ASH1L: variants seen among roughly 807,000 people sequenced by gnomAD.
ASH1L encodes the protein histone-lysine N-methyltransferase ASH1L.
ASH1L carries 23 observed loss-of-function variants against 269.0 expected under a neutral mutation model. The observed-to-expected ratio is 0.09, with a 90% CI of 0.06 to 0.12. The LOEUF (loss-of-function observed/expected upper bound fraction) is 0.12. ASH1L is among the 10% of genes least tolerant of loss of function. ASH1L has a pLI of 1.00. For synonymous variants in ASH1L, 1,187 were observed against 1,253.5 expected (o/e 0.95, Z 1.12); for missense variants, 2,912 against 3,567.8 (o/e 0.82, Z 4.68).
In ASH1L at chr1:155,482,447, G is replaced by A. The variant is rs1666023657; in HGVS notation, c.423C>T (p.Asp141=). The change falls in exon 3 of 28, where the codon GAC becomes GAT. Residue 141 remains aspartate, a splice_region_variant and synonymous_variant. Transcript: ENST00000392403. ...CTGCTTTCTTGTACAACTTTGAAGG[G>A]TCCTAAAATTTGAACAAGAAAAAAG... is the stretch of plus-strand genomic sequence containing the variant. The part of the protein sequence containing the change: ...EKNEHCPSKR[D]PSKLYKKADD... 1 of 1,596,506 alleles carries A rather than the reference G, an allele frequency of 6.3e-7. No homozygotes were observed. The highest frequency in any genetic ancestry group is 1.1e-5 in the South Asian group (1 of 88,586).
At position 155,344,167 on chromosome 1, in the gene ASH1L, G is replaced by T; in HGVS notation, c.7981+16C>A. 2 of 1,609,724 alleles carry T rather than the reference G, an allele frequency of 1.2e-6. No individual in the cohort carries two copies. Among genetic ancestry groups the T allele is most frequent in the Non-Finnish European group, 1.7e-6 (2 of 1,176,262 alleles). On this transcript the variant is annotated intron_variant, in intron 22 of 27. Coordinates refer to ENST00000392403, the MANE Select transcript of ASH1L (RefSeq NM_018489.3). ...AGGTCACCTCTGACAAGTAGGATTA[G>T]CTCCTGTATACATACCCTGACGAAG...
chr1:155,421,393 C>T (rs1660670161), intron 5 of ASH1L, among the ~76,000 whole-genome samples: 2 of 138,314 alleles, frequency 1.4e-5, no homozygotes, highest in Admixed American at 1.6e-4. Flanking sequence ...AAACCTAAGG[C>T]CAGGCATGGT....
intron 5 of ASH1L, chr1:155,433,789 G>A (rs1243301091): frequency 1.2e-6 from 2 of 1,606,308 alleles, no homozygotes; most frequent in South Asian, 1.1e-5. Flanking sequence ...TGCGGCCCTT[G>A]CTGCAGAAGT....
At chr1:155,402,577 C>A (rs1658942859) in intron 6 of ASH1L, among the ~76,000 whole-genome samples, 1 of 152,056 alleles carries the variant, frequency 6.6e-6, no homozygotes, top group African/African-American at 2.4e-5. Flanking sequence ...AAAGACAGGG[C>A]CTTGTTCTGC....
rs544683320 is a variant in ASH1L at position 155,414,602 on chromosome 1, C to A, written c.6008+1142G>T. ...GGGATTATAGGTGTGAGCCACCACTCCCATCCAAAACCAAATATCTTAAAG... is the reference window on the plus strand; with the variant it reads ...GGGATTATAGGTGTGAGCCACCACTACCATCCAAAACCAAATATCTTAAAG... On this transcript the variant is annotated intron_variant, in intron 6 of 27. Transcript: ENST00000392403. Among the ~76,000 whole-genome samples, 7 of 152,292 alleles carry A rather than the reference C, an allele frequency of 4.6e-5. No homozygotes were observed. The East Asian group carries it at 1.2e-3, about 25-fold the overall frequency.
chr1:155,556,171 C>T (rs1192041585), intron 1 of ASH1L, among the ~76,000 whole-genome samples: 1 of 152,064 alleles, frequency 6.6e-6, no homozygotes, highest in Non-Finnish European at 1.5e-5. Flanking sequence ...CACATGAGTC[C>T]AAGAGTTCAA....
chr1:155,438,900 C>G lies in ASH1L; in HGVS notation c.5255G>C (p.Ser1752Thr), dbSNP rs1385592081. 1.2e-6 allele frequency: 2 copies of G among 1,614,172 alleles called. No homozygotes were observed. Among genetic ancestry groups the G allele is most frequent in the Admixed American group, 3.3e-5 (2 of 60,012 alleles). The part of the protein sequence containing the change: ...SAPPSSSPGR[S>T]HSKDRTLGKP... ...TCCCAGGGTTCGGTCCTTGCTGTGG[C>G]TACGGCCTGGACTGGAAGAAGGTGG... The change falls in exon 5 of 28, where the codon AGC becomes ACC. Residue 1752 changes from serine to threonine, a missense_variant. By Grantham distance (58) the Ser-to-Thr change is moderately conservative (BLOSUM62 1). Transcript: ENST00000392403.
At chr1:155,372,439 G>A (rs1401478448) in intron 10 of ASH1L, among the ~76,000 whole-genome samples, 1 of 151,476 alleles carries the variant, frequency 6.6e-6, no homozygotes, top group Non-Finnish European at 1.5e-5. Flanking sequence ...TTCCCAAGTA[G>A]CTGGGATTAC....
chr1:155,338,114 G>T lies in ASH1L; in HGVS notation c.8778C>A (p.Leu2926=), dbSNP rs1172628527. Reference sequence around the variant, plus strand: ...CATTTTTTCCAGGGATTTTTTCAAGGAGATTGAGCAAGATCTGGTTGAGTC... The same window carrying T: ...CATTTTTTCCAGGGATTTTTTCAAGTAGATTGAGCAAGATCTGGTTGAGTC... ...RERLNQILLN[L]LEKIPGKNAI... The change falls in exon 27 of 28, where the codon CTC becomes CTA. Residue 2926 remains leucine (L), a synonymous_variant. Transcript: ENST00000392403. 1 of 1,612,942 alleles carries T rather than the reference G, an allele frequency of 6.2e-7. No homozygotes were observed. Among genetic ancestry groups the T allele is most frequent in the East Asian group, 2.2e-5 (1 of 44,870 alleles).
At chr1:155,531,443 G>A (rs924457476) in intron 1 of ASH1L, among the ~76,000 whole-genome samples, 1 of 151,402 alleles carries the variant, frequency 6.6e-6, no homozygotes, top group African/African-American at 2.4e-5. Flanking sequence ...TGCAACCTCC[G>A]CCTCCCGGGT....
intron 2 of ASH1L, among the ~76,000 whole-genome samples, chr1:155,518,500 T>C (rs541380166): frequency 3.9e-5 from 6 of 152,006 alleles, no homozygotes; most frequent in Admixed American, 3.9e-4. Flanking sequence ...TATATACAGA[T>C]TATATAAAGA....
chr1:155,500,463 G>A (rs1667431679), intron 2 of ASH1L, among the ~76,000 whole-genome samples: 1 of 152,086 alleles, frequency 6.6e-6, no homozygotes, highest in South Asian at 2.1e-4. Flanking sequence ...ATACAATCGG[G>A]TCTTCTTGCT....
intron 1 of ASH1L, among the ~76,000 whole-genome samples, chr1:155,545,790 G>A (rs577898883): frequency 6.6e-6 from 1 of 152,252 alleles, no homozygotes; most frequent in South Asian, 2.1e-4. Context: ...GGAGGCTGAG[G>A]CAGGTGAATC....
chr1:155,435,974 C>T (rs1448739390), intron 5 of ASH1L, among the ~76,000 whole-genome samples: 2 of 152,116 alleles, frequency 1.3e-5, no homozygotes, highest in East Asian at 3.9e-4. Context: ...TCACTTGAAA[C>T]CACGAGGTGG....
At chr1:155,407,426 T>C (rs983698737) in intron 6 of ASH1L, among the ~76,000 whole-genome samples, 2 of 152,182 alleles carry the variant, frequency 1.3e-5, no homozygotes, top group Non-Finnish European at 2.9e-5. Flanking sequence ...ATTCAATTTC[T>C]AGGAACTTAC....
rs777219113 is a variant in ASH1L, at chr1:155,352,815, A to G, written c.7257T>C (p.Ser2419=). 4 of 1,614,002 alleles carry G rather than the reference A, an allele frequency of 2.5e-6. No individual in the cohort carries two copies. The Admixed American group carries it at 6.7e-5, about 27-fold the overall frequency. ...CAGCTGCCAACCGTCTTGTTCGAAC[A>G]GATCGAGCTGTCTGCAGGGCAGAGA... is the stretch of plus-strand genomic sequence containing the variant. ...TQFSALQTAR[S]VRTRRLAAAE... is the part of the protein sequence containing the mutation. Residue 2419 remains serine (S), a synonymous_variant, in exon 17 of 28, where the codon TCT becomes TCC. Transcript: ENST00000392403.
At chr1:155,408,393 A>G in intron 6 of ASH1L, among the ~76,000 whole-genome samples, 1 of 152,220 alleles carries the variant, frequency 6.6e-6, no homozygotes, top group East Asian at 1.9e-4. Flanking sequence ...TCATAGCAGT[A>G]ACAAATACCC....
In ASH1L at chr1:155,341,975, A is replaced by T; in HGVS notation, c.8421T>A (p.Asp2807Glu). The T allele has an allele frequency of 6.2e-7, 1 of 1,614,070 alleles. No individual in the cohort carries two copies. The highest frequency in any genetic ancestry group is 8.5e-7 in the Non-Finnish European group (1 of 1,180,010). Residue 2807 changes from aspartate (D) to glutamate (E), a missense_variant, in exon 25 of 28, where the codon GAT becomes GAA. Transcript: ENST00000392403. ...YPVCTKPYAFDHFPKKLTPKK... is the reference protein window; with the variant it reads ...YPVCTKPYAFEHFPKKLTPKK... ...TGGGAGTGAGCTTCTTGGGGAAGTG[A>T]TCAAAAGCATAGGGTTTGGTGCAGA...
chr1:155,559,458 C>G (rs528495281), intron 1 of ASH1L, among the ~76,000 whole-genome samples: 2 of 151,194 alleles, frequency 1.3e-5, no homozygotes, highest in African/African-American at 4.9e-5. Context: ...TCACTTGAAC[C>G]CAGGAGGCAG....
Sources: gnomAD v4.1 joint callset for allele counts (sites outside exome capture counted in the v4.1 genomes callset) on GRCh38, gnomAD v4.1.1 for gene constraint, MANE v1.5 for transcripts, NCBI Gene and HGNC (gene_info 2026-07-23, HGNC 2026-07-21) for gene names.